The following SPIDR variants were observed in gnomAD, a reference collection of about 807,000 sequenced individuals.
SPIDR encodes DNA repair-scaffolding protein.
In SPIDR, 93 loss-of-function variants were observed where a neutral mutation model predicts 104.6. The observed-to-expected ratio is 0.89, with a 90% CI of 0.75 to 1.06. The LOEUF (loss-of-function observed/expected upper bound fraction) is 1.06. Among genes scored for constraint, SPIDR ranks in the 50% least tolerant of loss-of-function variants. The pLI, the probability that SPIDR is intolerant of heterozygous loss-of-function variation, is 0.00. For missense variants in SPIDR, 1,154 were observed against 1,111.2 expected, an observed-to-expected ratio of 1.04 and a Z score of -0.55; for synonymous variants, 431 against 416.9, an observed-to-expected ratio of 1.03 and a Z score of -0.41.
At chr8:47,523,849 A>G (rs781112950) in intron 8 of SPIDR, among the ~76,000 whole-genome samples, 13 of 152,176 alleles carry the variant, frequency 8.5e-5, no homozygotes, top group Admixed American at 2.6e-4. Flanking sequence ...CTGGTGATAC[A>G]ATTTTACTTT....
chr8:47,471,517 TTGGCA>T (rs2075702950), intron 8 of SPIDR, among the ~76,000 whole-genome samples: 1 of 152,120 alleles, frequency 6.6e-6, no homozygotes, highest in Non-Finnish European at 1.5e-5. Context: ...ATAACAATTG[TTGGCA>T]AAGATGCAAA....
chr8:47,284,135 C>A, intron 3 of SPIDR, 41 bp downstream of exon 3: 1 of 1,468,304 alleles, frequency 6.8e-7, no homozygotes, highest in Non-Finnish European at 9.4e-7. Context: ...AGATATAAGA[C>A]TAATAAATCC....
chr8:47,455,745 A>G (rs1314414709), intron 8 of SPIDR, among the ~76,000 whole-genome samples: 1 of 152,214 alleles, frequency 6.6e-6, no homozygotes, highest in Non-Finnish European at 1.5e-5. Context: ...AATCTAAAAA[A>G]GTTTACAAGG....
intron 4 of SPIDR, among the ~76,000 whole-genome samples, chr8:47,293,290 GA>G (rs1229015415): frequency 6.6e-6 from 1 of 151,760 alleles, no homozygotes; most frequent in Non-Finnish European, 1.5e-5. Flanking sequence ...AAGAAAGGAG[GA>G]AAAAAATAAC....
intron 8 of SPIDR, among the ~76,000 whole-genome samples, chr8:47,569,350 G>A (rs1234065256): frequency 6.6e-6 from 1 of 152,126 alleles, no homozygotes; most frequent in African/African-American, 2.4e-5. Context: ...TTTCAATAGG[G>A]ATTAGAACAA....
chr8:47,485,229 C>T (rs1233491855), intron 8 of SPIDR, among the ~76,000 whole-genome samples: 4 of 152,308 alleles, frequency 2.6e-5, no homozygotes, highest in South Asian at 2.1e-4. Context: ...GGGTCCCACG[C>T]GCACGGAGCC....
At chr8:47,371,995 G>C (rs1332284198) in intron 5 of SPIDR, among the ~76,000 whole-genome samples, 1 of 152,066 alleles carries the variant, frequency 6.6e-6, no homozygotes, top group Admixed American at 6.5e-5. Flanking sequence ...CTATTGCTTT[G>C]CAGGAGCACC....
chr8:47,650,735 G>A (rs546812947), intron 10 of SPIDR, among the ~76,000 whole-genome samples: 48 of 152,210 alleles, frequency 3.2e-4, no homozygotes, highest in Admixed American at 6.5e-4. Flanking sequence ...CCAAAACAGC[G>A]TGGTGCTGAT....
At chr8:47,570,451 A>G (rs1471073892) in intron 8 of SPIDR, among the ~76,000 whole-genome samples, 1 of 152,224 alleles carries the variant, frequency 6.6e-6, no homozygotes, top group Non-Finnish European at 1.5e-5. Context: ...CCAAAAGTAT[A>G]AAACTCCTAG....
chr8:47,401,366 C>T (rs1165753952), intron 6 of SPIDR, among the ~76,000 whole-genome samples: 2 of 152,168 alleles, frequency 1.3e-5, no homozygotes, highest in African/African-American at 4.8e-5. Context: ...TGGTACCAGC[C>T]ACTGCAAAAA....
At chr8:47,646,790 G>GAAATTTGTC (rs2070444339) in intron 10 of SPIDR, among the ~76,000 whole-genome samples, 1 of 152,040 alleles carries the variant, frequency 6.6e-6, no homozygotes, top group Non-Finnish European at 1.5e-5. Flanking sequence ...TGGACAGAGG[G>GAAATTTGTC]AAATTTGTCA....
At chr8:47,266,000 T>C (rs1161788633) in intron 1 of SPIDR, among the ~76,000 whole-genome samples, 1 of 151,200 alleles carries the variant, frequency 6.6e-6, no homozygotes, top group African/African-American at 2.4e-5. Flanking sequence ...TCTGCCCGCA[T>C]CGACATCCCA....
intron 6 of SPIDR, among the ~76,000 whole-genome samples, chr8:47,406,606 A>G (rs1260272102): frequency 6.6e-6 from 1 of 152,206 alleles, no homozygotes. Context: ...AGGTGTCTCT[A>G]TAGGTATTAA....
chr8:47,353,479 C>T (rs781865091), intron 5 of SPIDR, among the ~76,000 whole-genome samples: 54 of 152,088 alleles, frequency 3.6e-4, no homozygotes, highest in Non-Finnish European at 6.6e-4. Context: ...TTGGAATTTT[C>T]CAGGTACAGT....
At chr8:47,357,964 A>G (rs1162279156) in intron 5 of SPIDR, 13 of 625,694 alleles carry the variant, frequency 2.1e-5, no homozygotes, top group Admixed American at 1.9e-4. Context: ...TGTGGTTTAC[A>G]TTCACTCTGG....
At position 47,386,119 on chromosome 8, in the gene SPIDR, T is replaced by G. The variant is rs189698480; in HGVS notation, c.526-10257T>G. ...GTAAGTTTCTTTTGCACTCTTATTT[T>G]TATTATTTTTATATGCAATCTTATT... On this transcript the variant is annotated intron_variant, in intron 5 of 19. Transcript: ENST00000297423. Among the ~76,000 whole-genome samples, 165 of 152,132 alleles carry G rather than the reference T, an allele frequency of 1.1e-3. 1 individual carries two copies. The Middle Eastern group carries it at 0.017, about 16-fold the overall frequency.
At chr8:47,402,542 A>T (rs2062052497) in intron 6 of SPIDR, among the ~76,000 whole-genome samples, 1 of 152,242 alleles carries the variant, frequency 6.6e-6, no homozygotes. Context: ...TCCCACAGAA[A>T]CACAAACTAC....
At chr8:47,697,283 TA>T (rs397971781) in intron 11 of SPIDR, among the ~76,000 whole-genome samples, 307 of 141,694 alleles carry the variant, frequency 2.2e-3, no homozygotes, top group African/African-American at 4.1e-3. Context: ...GAGACCCTGT[TA>T]AAAAAAAAAA....
At chr8:47,456,540 A>G (rs1234139811) in intron 8 of SPIDR, among the ~76,000 whole-genome samples, 1 of 152,238 alleles carries the variant, frequency 6.6e-6, no homozygotes, top group Non-Finnish European at 1.5e-5. Flanking sequence ...TGTAAAATTA[A>G]TAAACATGTG....
Sources: allele counts gnomAD v4.1 joint callset (sites outside exome capture counted in the v4.1 genomes callset), GRCh38; gene constraint gnomAD v4.1.1; transcripts MANE v1.5; gene names NCBI Gene and HGNC (gene_info 2026-07-23, HGNC 2026-07-21).